HSF1: variants seen among roughly 807,000 people sequenced by gnomAD.
The protein encoded by HSF1 is heat shock factor protein 1.
HSF1 carries 32 observed loss-of-function variants against 51.7 expected under a neutral mutation model. The observed-to-expected ratio is 0.62, with a 90% CI of 0.47 to 0.83. HSF1 has a LOEUF of 0.83. HSF1 is among the 40% of genes least tolerant of loss of function. The probability of loss-of-function intolerance (pLI) is 0.00; values close to 1 mark genes in which losing one functional copy is unlikely to be tolerated. For missense variants in HSF1, 727 were observed against 717.0 expected (o/e 1.01, Z -0.16); for synonymous variants, 396 against 309.7 (o/e 1.28, Z -2.92).
At chr8:144,292,098 G>A (rs1815129930) in intron 1 of HSF1, among the ~76,000 whole-genome samples, 1 of 152,254 alleles carries the variant, frequency 6.6e-6, no homozygotes, top group South Asian at 2.1e-4. Context: ...TTCAACCCCT[G>A]CCCCAGCGAA....
intron 10 of HSF1, 75 bp downstream of exon 10, chr8:144,313,691 C>CCCGCACCGCCTCCCCGCA: frequency 1.6e-5 from 1 of 64,368 alleles, no homozygotes; most frequent in South Asian, 3.3e-4. Context: ...GCCCCGCCTC[C>CCCGCACCGCCTCCCCGCA]CCGCCTCCCC....
rs576919967 is a variant in HSF1, at chr8:144,297,590, G to C, written c.117+5716G>C. 6.1e-4 allele frequency among the ~76,000 whole-genome samples: 93 copies of C among 152,326 alleles called. 1 individual carries two copies. Among genetic ancestry groups the C allele is most frequent in the East Asian group, 2.1e-3 (11 of 5,186 alleles). On this transcript the variant is annotated intron_variant, in intron 1 of 12. Transcript: ENST00000528838. This position sits in a 1 kb window ranked among gnomAD's most constrained non-coding sequence, Gnocchi z 4.6. ...TTGTCTGCACCTGCTCGCGCTTCCT[G>C]CCTGCCTCACTGCTTCCATGCCCTG... is the stretch of plus-strand genomic sequence containing the variant.
chr8:144,306,139 T>A (rs1469455369), intron 1 of HSF1, among the ~76,000 whole-genome samples: 1 of 152,232 alleles, frequency 6.6e-6, no homozygotes, highest in Non-Finnish European at 1.5e-5. Context: ...TGATAAGATG[T>A]CATTCTCATA....
chr8:144,304,447 A>G (rs1164987259), intron 1 of HSF1, among the ~76,000 whole-genome samples: 1 of 152,036 alleles, frequency 6.6e-6, no homozygotes, highest in African/African-American at 2.4e-5. Context: ...CCGGATATTG[A>G]ATTTTTATGT....
At chr8:144,295,944 TTC>T (rs1338216509) in intron 1 of HSF1, among the ~76,000 whole-genome samples, 1 of 152,122 alleles carries the variant, frequency 6.6e-6, no homozygotes, top group Non-Finnish European at 1.5e-5. Flanking sequence ...TCCTGGATGC[TTC>T]TCTGTCTTCA....
At chr8:144,302,151 G>T (rs1419950684) in intron 1 of HSF1, among the ~76,000 whole-genome samples, 1 of 151,586 alleles carries the variant, frequency 6.6e-6, no homozygotes, top group Admixed American at 6.6e-5. Context: ...GGGCGACACA[G>T]CGAGACTCCG....
chr8:144,294,202 G>T (rs1223369998), intron 1 of HSF1, among the ~76,000 whole-genome samples: 1 of 152,172 alleles, frequency 6.6e-6, no homozygotes, highest in Non-Finnish European at 1.5e-5. Context: ...CCTTCTCCAG[G>T]CCGCGCAGGG....
intron 2 of HSF1, chr8:144,309,228 G>A (rs984160002): frequency 3.3e-5 from 22 of 670,174 alleles, no homozygotes; most frequent in Non-Finnish European, 5.1e-5. Context: ...TGGAAGAACC[G>A]TGAAGCCGGA....
chr8:144,311,921 G>A lies in HSF1; in HGVS notation c.861-42G>A, dbSNP rs782149854. The A allele has an allele frequency of 3.2e-6, 5 of 1,579,570 alleles. No homozygotes were observed. The East Asian group carries it at 1.1e-4, about 36-fold the overall frequency. The stretch of plus-strand genomic sequence containing the variant: ...AGGGCAGAGTTGGGGATGAGGTGGG[G>A]CTGGCCGAGACGCCAGCTCACCTGG... On this transcript the variant is annotated intron_variant, in intron 8 of 12. Transcript: ENST00000528838.
In HSF1 at chr8:144,314,358, C is replaced by T; in HGVS notation, c.*28C>T. ...GCCCCGGAGGAGCTGGGCCAGCCGC[C>T]CACCCCCACCCCCAGTGCAGGGCTG... On this transcript the variant is annotated 3_prime_UTR_variant, in exon 13 of 13. Coordinates refer to ENST00000528838, the MANE Select transcript of HSF1 (RefSeq NM_005526.4). The T allele has an allele frequency of 2.0e-6, 3 of 1,521,446 alleles. No homozygotes were observed. The highest frequency in any genetic ancestry group is 2.7e-6 in the Non-Finnish European group (3 of 1,122,750). The allele number at this position is 1,521,446 out of a possible 1,614,324, so 94.2% of individuals were successfully genotyped here.
chr8:144,303,773 G>A (rs1485826908), intron 1 of HSF1, among the ~76,000 whole-genome samples: 1 of 152,188 alleles, frequency 6.6e-6, no homozygotes, highest in African/African-American at 2.4e-5. Context: ...AGCTACCCAG[G>A]AAGCTGAGGC....
At chr8:144,312,469 G>A in intron 9 of HSF1, 1 of 734,180 alleles carries the variant, frequency 1.4e-6, no homozygotes, top group Non-Finnish European at 2.3e-6. Flanking sequence ...GCCGGGCCCT[G>A]CTCTCAGCCA....
chr8:144,312,608 C>T lies in HSF1; in HGVS notation c.1142+364C>T, dbSNP rs1203742187. On this transcript the variant is annotated intron_variant, in intron 9 of 12. Transcript: ENST00000528838. The stretch of plus-strand genomic sequence containing the variant: ...CCAGCCCCTGCCTGCAATGGGGGCT[C>T]TTGTTTTTGTATCTTGCAGTTTGGC... 5.2e-6 allele frequency: 8 copies of T among 1,533,740 alleles called. No homozygotes were observed. In the African/African-American group the frequency reaches 8.2e-5, roughly 16 times the overall value.
chr8:144,314,350 CCA>C lies in HSF1; in HGVS notation c.*21_*22del. The C allele has an allele frequency of 6.5e-7, 1 of 1,536,264 alleles. No homozygotes were observed. The highest frequency in any genetic ancestry group is 8.8e-7 in the Non-Finnish European group (1 of 1,135,360). ...TCCTAGAGGCCCCGGAGGAGCTGGG[CCA>C]GCCGCCCACCCCCACCCCCAGTGCA... On this transcript the variant is annotated 3_prime_UTR_variant, in exon 13 of 13. Transcript: ENST00000528838.
chr8:144,307,960 C>T (rs1816332352), intron 1 of HSF1, among the ~76,000 whole-genome samples: 3 of 152,216 alleles, frequency 2.0e-5, no homozygotes, highest in Admixed American at 1.3e-4. Flanking sequence ...TTTCCGTGAC[C>T]GTTTCCCTCC....
chr8:144,314,377 AG>A lies in HSF1; in HGVS notation c.*50del. 1.3e-6 allele frequency: 2 copies of A among 1,496,726 alleles called. No homozygotes were observed. The highest frequency in any genetic ancestry group is 2.4e-5 in the South Asian group (2 of 82,072). 92.7% of individuals were successfully genotyped at this position (1,496,726 alleles called of 1,614,324 possible). A position where few individuals can be genotyped will look rare whatever the true frequency, so the allele number is the denominator to read the frequency against. On this transcript the variant is annotated 3_prime_UTR_variant, in exon 13 of 13. Coordinates refer to ENST00000528838, the MANE Select transcript of HSF1 (RefSeq NM_005526.4). ...AGCCGCCCACCCCCACCCCCAGTGC[AG>A]GGCTGGTCTTGGGGAGGCAGGGCAG...
At position 144,312,278 on chromosome 8, in the gene HSF1, C is replaced by T. The variant is rs561164581; in HGVS notation, c.1142+34C>T. The T allele has an allele frequency of 1.3e-5, 19 of 1,471,038 alleles. 1 individual carries two copies. The Admixed American group carries it at 1.9e-4, about 15-fold the overall frequency. 91.1% of individuals were successfully genotyped at this position (1,471,038 alleles called of 1,614,324 possible). A position where few individuals can be genotyped will look rare whatever the true frequency, so the allele number is the denominator to read the frequency against. ...CGCCCACCCCTGGCCCCACCCACAG[C>T]GCCTGGACGCACAGCCCTGGGCTTC... On this transcript the variant is annotated intron_variant, in intron 9 of 12. Transcript: ENST00000528838.
At chr8:144,298,500 G>C (rs537093123) in intron 1 of HSF1, among the ~76,000 whole-genome samples, 29 of 151,764 alleles carry the variant, frequency 1.9e-4, no homozygotes. Context: ...AGCTACTCGG[G>C]AGGCTGAGGC....
chr8:144,298,694 A>G (rs782335829), intron 1 of HSF1, among the ~76,000 whole-genome samples: 18 of 152,210 alleles, frequency 1.2e-4, no homozygotes, highest in Non-Finnish European at 2.4e-4. Context: ...TTGCAGACTC[A>G]CGTGCAGAGA....
Sources: gnomAD v4.1 joint callset for allele counts (sites outside exome capture counted in the v4.1 genomes callset) on GRCh38, gnomAD v4.1.1 for gene constraint, Gnocchi (gnomAD v3.1) non-coding constraint, MANE v1.5 for transcripts, NCBI Gene and HGNC (gene_info 2026-07-23, HGNC 2026-07-21) for gene names.